The following GABRR3 variants were observed in gnomAD, a reference collection of about 807,000 sequenced individuals.
GABRR3 encodes the protein gamma-aminobutyric acid type A receptor subunit rho3.
A neutral mutation model predicts 43.2 loss-of-function variants in GABRR3; 29 were observed. The observed-to-expected ratio is 0.67, with a 90% CI of 0.50 to 0.92. GABRR3 has a LOEUF of 0.92. GABRR3 is among the 40% of genes least tolerant of loss of function. The probability of loss-of-function intolerance (pLI) is 0.00; values close to 1 mark genes in which losing one functional copy is unlikely to be tolerated. For missense variants in GABRR3, 576 were observed against 572.3 expected, an observed-to-expected ratio of 1.01 and a Z score of -0.07; for synonymous variants, 206 against 195.9, an observed-to-expected ratio of 1.05 and a Z score of -0.43.
At chr3:98,018,239 G>C (rs1340869900) in intron 3 of GABRR3, among the ~76,000 whole-genome samples, 1 of 152,124 alleles carries the variant, frequency 6.6e-6, no homozygotes, top group Non-Finnish European at 1.5e-5. Context: ...GTGGTTGGTG[G>C]AGTAGAGGAA....
intron 9 of GABRR3, among the ~76,000 whole-genome samples, chr3:97,990,363 G>A (rs978268825): frequency 4.0e-5 from 6 of 150,578 alleles, no homozygotes; most frequent in Non-Finnish European, 8.9e-5. Context: ...TTTTTTTTTA[G>A]ACGGAGTCTT....
At chr3:98,034,889 C>A (rs1483980244) in exon 2 of GABRR3, 2 of 1,613,034 alleles carry the variant, frequency 1.2e-6, no homozygotes, top group Admixed American at 3.3e-5. Context: ...AAGAGGAGCA[C>A]CGCTGGTGTG....
chr3:98,025,646 A>G (rs1707004731), exon 3 of GABRR3: 1 of 1,612,436 alleles, frequency 6.2e-7, no homozygotes, highest in Non-Finnish European at 8.5e-7. Flanking sequence ...GCGCTTTGGT[A>G]CTGTCATCTT....
At chr3:97,992,047 A>G (rs1190886741) in intron 9 of GABRR3, among the ~76,000 whole-genome samples, 2 of 152,182 alleles carry the variant, frequency 1.3e-5, no homozygotes, top group African/African-American at 4.8e-5. Flanking sequence ...ACAATATCTT[A>G]TATAAGTTCT....
At chr3:97,992,991 G>A in exon 9 of GABRR3, 4 of 1,613,134 alleles carry the variant, frequency 2.5e-6, no homozygotes, top group Non-Finnish European at 3.4e-6. Context: ...GGACACCTGG[G>A]GCATGGAGGC....
intron 5 of GABRR3, among the ~76,000 whole-genome samples, chr3:98,009,750 A>T (rs1268696463): frequency 6.6e-6 from 1 of 152,210 alleles, no homozygotes; most frequent in Non-Finnish European, 1.5e-5. Flanking sequence ...GTTTGCAAAA[A>T]ACAAAGGCAA....
At chr3:98,000,304 A>G (rs1576038878) in intron 8 of GABRR3, 1 of 152,262 alleles carries the variant, frequency 6.6e-6, no homozygotes, top group East Asian at 1.9e-4. Context: ...TTTTCACAGT[A>G]TAAGAGCAGA....
intron 1 of GABRR3, 58 bp from the exon 2 acceptor site, chr3:98,035,047 A>G (rs1707134634): frequency 6.4e-7 from 1 of 1,555,080 alleles, no homozygotes; most frequent in Non-Finnish European, 8.7e-7. Context: ...CTGTGATCAC[A>G]GTTTCTTCTT....
intron 3 of GABRR3, among the ~76,000 whole-genome samples, chr3:98,023,490 G>C (rs1315932687): frequency 6.6e-6 from 1 of 152,030 alleles, no homozygotes; most frequent in African/African-American, 2.4e-5. Flanking sequence ...ATGGTGGTAG[G>C]GGAAATATTT....
chr3:98,022,211 G>A (rs1486254946), intron 3 of GABRR3, among the ~76,000 whole-genome samples: 1 of 152,184 alleles, frequency 6.6e-6, no homozygotes, highest in Non-Finnish European at 1.5e-5. Flanking sequence ...CTTAGTTATG[G>A]GAGACGTAAA....
chr3:98,023,782 A>G (rs541901520), intron 3 of GABRR3, among the ~76,000 whole-genome samples: 4 of 152,358 alleles, frequency 2.6e-5, no homozygotes, highest in African/African-American at 9.6e-5. Flanking sequence ...AAAACAAAAA[A>G]TTAAACTCAC....
chr3:97,996,989 G>C (rs1425080700), intron 8 of GABRR3, among the ~76,000 whole-genome samples: 1 of 152,168 alleles, frequency 6.6e-6, no homozygotes, highest in African/African-American at 2.4e-5. Flanking sequence ...TGAACTATGT[G>C]CAGGAGGACA....
Position 98,029,331 on chromosome 3 carries a change from G to C in GABRR3, c.126-3652C>G, listed in dbSNP as rs150591352. On this transcript the variant is annotated intron_variant, in intron 2 of 9. Transcript: ENST00000621172. ...TCTATGCTCCCTCTTCTCAGTGTCA[G>C]AAACTCTACTGTAATTGTGTGACAA... Among the ~76,000 whole-genome samples the C allele has an allele frequency of 6.6e-5, 10 of 152,278 alleles. No homozygotes were observed. In the East Asian group the frequency reaches 1.9e-3, roughly 29 times the overall value.
intron 7 of GABRR3, among the ~76,000 whole-genome samples, chr3:98,004,481 A>G (rs1043619197): frequency 6.6e-6 from 1 of 152,134 alleles, no homozygotes; most frequent in African/African-American, 2.4e-5. Flanking sequence ...CAGCCATTAG[A>G]TTATGCTATG....
intron 2 of GABRR3, among the ~76,000 whole-genome samples, chr3:98,028,307 G>A (rs1707047029): frequency 6.6e-6 from 1 of 152,058 alleles, no homozygotes; most frequent in African/African-American, 2.4e-5. Flanking sequence ...GGAAGTACAT[G>A]GAATTTGAAG....
At chr3:97,988,156 C>A (rs766155457) in intron 9 of GABRR3, among the ~76,000 whole-genome samples, 1 of 151,868 alleles carries the variant, frequency 6.6e-6, no homozygotes, top group Non-Finnish European at 1.5e-5. Context: ...CCTTGGGACC[C>A]GAAGAGTAAT....
chr3:98,012,293 G>A (rs1408495800), intron 5 of GABRR3, 51 bp downstream of exon 5: 1 of 1,338,338 alleles, frequency 7.5e-7, no homozygotes, highest in African/African-American at 1.4e-5. Context: ...CAGCTTTGGT[G>A]CAGATGGCTG....
At chr3:98,004,767 T>C (rs1411542844) in intron 7 of GABRR3, among the ~76,000 whole-genome samples, 1 of 151,896 alleles carries the variant, frequency 6.6e-6, no homozygotes, top group Non-Finnish European at 1.5e-5. Flanking sequence ...CAGAGTCAGA[T>C]GTATAGTTTT....
intron 2 of GABRR3, among the ~76,000 whole-genome samples, chr3:98,026,549 G>T (rs1707019374): frequency 6.6e-6 from 1 of 151,962 alleles, no homozygotes; most frequent in African/African-American, 2.4e-5. Flanking sequence ...GCAACTTGCA[G>T]CAGCCTTCAG....
Sources: gnomAD v4.1 joint callset for allele counts (sites outside exome capture counted in the v4.1 genomes callset) on GRCh38, gnomAD v4.1.1 for gene constraint, MANE v1.5 for transcripts, NCBI Gene and HGNC (gene_info 2026-07-23, HGNC 2026-07-21) for gene names.